The following MCM2 variants were observed in gnomAD, a reference collection of about 807,000 sequenced individuals.
MCM2 encodes the protein DNA replication licensing factor MCM2.
In MCM2, 49 loss-of-function variants were observed where a neutral mutation model predicts 86.4. The observed-to-expected ratio is 0.57, with a 90% CI of 0.45 to 0.72. The LOEUF (loss-of-function observed/expected upper bound fraction) is 0.72, where lower values mean the gene tolerates loss of function less well. Ranked by LOEUF, MCM2 falls within the 30% of genes least tolerant of loss-of-function variation. MCM2 has a pLI of 0.00. For missense variants in MCM2, 1,038 were observed against 1,259.9 expected, an observed-to-expected ratio of 0.82 and a Z score of 2.67; for synonymous variants, 475 against 484.6, an observed-to-expected ratio of 0.98 and a Z score of 0.26.
chr3:127,607,318 A>G (rs1229812991), intron 6 of MCM2, among the ~76,000 whole-genome samples: 2 of 152,252 alleles, frequency 1.3e-5, no homozygotes, highest in Admixed American at 6.5e-5. Flanking sequence ...TCTTAGGCAC[A>G]TGTAATGTGC....
intron 2 of MCM2, 65 bp downstream of exon 2, chr3:127,599,612 G>A (rs2074291983): frequency 6.9e-7 from 1 of 1,457,624 alleles, no homozygotes. Flanking sequence ...TGTGCCTGGT[G>A]GCCTGGCTTT....
At chr3:127,616,031 G>C in intron 9 of MCM2, 76 bp downstream of exon 9, 1 of 1,209,012 alleles carries the variant, frequency 8.3e-7, no homozygotes, top group East Asian at 2.3e-5. Flanking sequence ...GAAGGACACA[G>C]TGTTTTTAAA....
At chr3:127,603,049 G>A (rs968271261) in intron 2 of MCM2, among the ~76,000 whole-genome samples, 19 of 151,446 alleles carry the variant, frequency 1.3e-4, no homozygotes, top group South Asian at 4.2e-4. Context: ...GTCTCACTCT[G>A]TTGCCAGGCT....
chr3:127,604,493 C>T (rs2074329849), intron 2 of MCM2, 115 bp from the exon 3 acceptor site: 1 of 1,046,466 alleles, frequency 9.6e-7, no homozygotes, highest in East Asian at 2.4e-5. Context: ...AAGCGCTGAG[C>T]CTACCCACAA....
intron 8 of MCM2, among the ~76,000 whole-genome samples, chr3:127,614,462 A>G (rs888656450): frequency 9.9e-5 from 15 of 152,142 alleles, no homozygotes; most frequent in Admixed American, 9.2e-4. Flanking sequence ...AAGTCTCATA[A>G]TCTTTAGATC....
rs768566845 is a variant in MCM2 at position 127,617,122 on chromosome 3, G to T, written c.1773+4G>T. 8.4e-5 allele frequency: 135 copies of T among 1,611,702 alleles called. No homozygotes were observed. The highest frequency in any genetic ancestry group is 1.1e-4 in the Non-Finnish European group (130 of 1,178,202). ...TCTCATTGATGAATTTGACAAGGTG[G>T]GTCCCTGGGTCACGGAGGCTGGTGG... On this transcript the variant is annotated splice_donor_region_variant and intron_variant, in intron 10 of 15. Transcript: ENST00000265056. This position sits in a 1 kb window ranked among gnomAD's most constrained non-coding sequence, Gnocchi z 4.1.
intron 8 of MCM2, among the ~76,000 whole-genome samples, chr3:127,614,169 A>G (rs2074417771): frequency 6.6e-6 from 1 of 152,132 alleles, no homozygotes; most frequent in African/African-American, 2.4e-5. Context: ...TTCTTAATAC[A>G]CCACCCATTC....
intron 2 of MCM2, among the ~76,000 whole-genome samples, chr3:127,601,456 G>C (rs1292708473): frequency 6.6e-6 from 1 of 152,162 alleles, no homozygotes; most frequent in Non-Finnish European, 1.5e-5. Context: ...CGCCTCCCAG[G>C]TTCAAGCAAT....
intron 7 of MCM2, 103 bp from the exon 8 acceptor site, chr3:127,608,729 C>T: frequency 7.8e-7 from 1 of 1,276,932 alleles, no homozygotes; most frequent in Non-Finnish European, 1.1e-6. Flanking sequence ...ATCTTGGTGT[C>T]TGTAGTGTGG....
chr3:127,616,853 A>T lies in MCM2; in HGVS notation c.1523-15A>T, dbSNP rs2074436646. 6.2e-7 allele frequency: 1 copy of T among 1,606,042 alleles called. No individual in the cohort carries two copies. The highest frequency in any genetic ancestry group is 1.7e-5 in the Admixed American group (1 of 59,854). On this transcript the variant is annotated splice_polypyrimidine_tract_variant and intron_variant, in intron 9 of 15. Coordinates refer to ENST00000265056, the MANE Select transcript of MCM2 (RefSeq NM_004526.4). ...CCCACTCTCCCCCTCCCCCGCTTCT[A>T]CTCATCCCCTCCAGGTGGCAAGCAC... is the stretch of plus-strand genomic sequence containing the variant.
In MCM2 at chr3:127,606,802, G is replaced by A. The variant is rs1305513831; in HGVS notation, c.1086G>A (p.Glu362=). ...AGTGCCAGTCGGCCGGCCCCTTTGA[G>A]GTCAACATGGAGGAGGTGAGAGAGG... ...CPECQSAGPF[E]VNMEETIYQN... The change falls in exon 6 of 16, where the codon GAG becomes GAA. Residue 362 remains glutamate, a synonymous_variant. Transcript: ENST00000265056. This position sits in a 1 kb window ranked among gnomAD's most constrained non-coding sequence, Gnocchi z 4.2. The A allele has an allele frequency of 1.2e-6, 2 of 1,614,198 alleles. No homozygotes were observed. Among genetic ancestry groups the A allele is most frequent in the Non-Finnish European group, 1.7e-6 (2 of 1,180,044 alleles).
intron 8 of MCM2, among the ~76,000 whole-genome samples, chr3:127,613,114 G>A (rs1195411404): frequency 6.6e-6 from 1 of 152,188 alleles, no homozygotes; most frequent in Admixed American, 6.5e-5. Context: ...AGTCCCACAG[G>A]GAAGTCCCCC....
Position 127,606,477 on chromosome 3 carries a change from A to G in MCM2, c.894-133A>G, listed in dbSNP as rs958772384. On this transcript the variant is annotated intron_variant, in intron 5 of 15. Coordinates refer to ENST00000265056, the MANE Select transcript of MCM2 (RefSeq NM_004526.4). This position sits in a 1 kb window ranked among gnomAD's most constrained non-coding sequence, Gnocchi z 4.2. ...CATCGCAGGTGAGTTGTGGTTGCAC[A>G]GGAGTGTGATGGGAGGGATCTTCCC... 1.1e-5 allele frequency: 13 copies of G among 1,173,526 alleles called. No individual in the cohort carries two copies. In the Admixed American group the frequency reaches 1.6e-4, roughly 14 times the overall value. The allele number at this position is 1,173,526 out of a possible 1,614,324, so 72.7% of individuals were successfully genotyped here.
chr3:127,613,595 T>C (rs376644333), intron 8 of MCM2, among the ~76,000 whole-genome samples: 1 of 152,206 alleles, frequency 6.6e-6, no homozygotes, highest in African/African-American at 2.4e-5. Context: ...GTGACTGTAT[T>C]GTGCCAACAG....
chr3:127,604,474 C>G lies in MCM2; in HGVS notation c.237-134C>G. The G allele has an allele frequency of 4.9e-6, 4 of 812,748 alleles. No individual in the cohort carries two copies. The South Asian group carries it at 6.9e-5, about 14-fold the overall frequency. 50.3% of individuals were successfully genotyped at this position (812,748 alleles called of 1,614,324 possible). ...GATCTTTTCTGAGCCTTCTGTGTTTCTGACCTGGAAGCGCTGAGCCTACCC... is the reference window on the plus strand; with the variant it reads ...GATCTTTTCTGAGCCTTCTGTGTTTGTGACCTGGAAGCGCTGAGCCTACCC... On this transcript the variant is annotated intron_variant, in intron 2 of 15. Coordinates refer to ENST00000265056, the MANE Select transcript of MCM2 (RefSeq NM_004526.4).
Position 127,608,489 on chromosome 3 carries a change from G to T in MCM2, c.1209G>T (p.Val403=). The change falls in exon 7 of 16, where the codon GTG becomes GTT. Residue 403 remains valine, a synonymous_variant. Coordinates refer to ENST00000265056, the MANE Select transcript of MCM2 (RefSeq NM_004526.4). ...ACGCCATTCTCCTCGCAGATCTGGT[G>T]GACAGCTGCAAGCCAGGAGACGAGA... ...SKDAILLADL[V]DSCKPGDEIE... is the part of the protein sequence containing the mutation. 1 of 1,614,186 alleles carries T rather than the reference G, an allele frequency of 6.2e-7. No individual in the cohort carries two copies. Among genetic ancestry groups the T allele is most frequent in the Non-Finnish European group, 8.5e-7 (1 of 1,180,044 alleles).
chr3:127,606,499 T>G lies in MCM2; in HGVS notation c.894-111T>G, dbSNP rs1377087281. On this transcript the variant is annotated intron_variant, in intron 5 of 15. Transcript: ENST00000265056. The surrounding 1 kb of genome is among the most constrained non-coding windows in gnomAD (Gnocchi z 4.2). ...CACAGGAGTGTGATGGGAGGGATCT[T>G]CCCGGGCTGGGGGCTGGGCCCAATT... is the stretch of plus-strand genomic sequence containing the variant. 1.2e-5 allele frequency: 15 copies of G among 1,233,554 alleles called. No homozygotes were observed. The highest frequency in any genetic ancestry group is 1.5e-5 in the Non-Finnish European group (13 of 867,532). The allele number at this position is 1,233,554 out of a possible 1,614,324, so 76.4% of individuals were successfully genotyped here. A position where few individuals can be genotyped will look rare whatever the true frequency, so the allele number is the denominator to read the frequency against.
At chr3:127,605,437 T>C (rs1164122005) in intron 4 of MCM2, among the ~76,000 whole-genome samples, 1 of 148,024 alleles carries the variant, frequency 6.8e-6, no homozygotes, top group Non-Finnish European at 1.5e-5. Context: ...ATTGACTCTT[T>C]TTTTTTTTTT....
intron 2 of MCM2, among the ~76,000 whole-genome samples, chr3:127,601,334 T>C (rs964073259): frequency 5.3e-5 from 8 of 152,244 alleles, no homozygotes; most frequent in Non-Finnish European, 1.2e-4. Context: ...AATGTTGCTA[T>C]GAACATTCAT....
Sources: gnomAD v4.1 joint callset for allele counts (sites outside exome capture counted in the v4.1 genomes callset) on GRCh38, gnomAD v4.1.1 for gene constraint, Gnocchi (gnomAD v3.1) non-coding constraint, MANE v1.5 for transcripts, NCBI Gene and HGNC (gene_info 2026-07-23, HGNC 2026-07-21) for gene names.